The following MYH13 variants were observed in gnomAD, a reference collection of about 807,000 sequenced individuals.
MYH13 encodes myosin-13.
In MYH13, 177 loss-of-function variants were observed where a neutral mutation model predicts 232.1. The observed-to-expected ratio is 0.76, with a 90% confidence interval of 0.67 to 0.86. The LOEUF is 0.86. Ranked by LOEUF, MYH13 falls within the 40% of genes least tolerant of loss-of-function variation. MYH13 has a pLI of 0.00. For synonymous variants in MYH13, 884 were observed against 923.5 expected (o/e 0.96, Z 0.78); for missense variants, 2,246 against 2,405.9 (o/e 0.93, Z 1.39).
At chr17:10,361,686 C>T (rs2071795107) in intron 5 of MYH13, among the ~76,000 whole-genome samples, 1 of 152,192 alleles carries the variant, frequency 6.6e-6, no homozygotes, top group African/African-American at 2.4e-5. Flanking sequence ...ACAGTGTTAC[C>T]ATGTCCTTAC....
At chr17:10,355,498 C>T (rs190422652) in intron 8 of MYH13, among the ~76,000 whole-genome samples, 18 of 152,226 alleles carry the variant, frequency 1.2e-4, no homozygotes, top group African/African-American at 3.6e-4. Flanking sequence ...GGCATGCTTA[C>T]ATCTGTCGCC....
chr17:10,345,550 G>A lies in MYH13; in HGVS notation c.1330C>T (p.Arg444Cys), dbSNP rs376714196. 1.2e-5 allele frequency: 19 copies of A among 1,614,062 alleles called. No individual in the cohort carries two copies. The highest frequency in any genetic ancestry group is 7.7e-5 in the South Asian group (7 of 91,074). ...TTGGTGTCCAGCTGCTGGTTGATGCGGGTGACCATCCACAGGAACATCTTC... is the reference window on the plus strand; with the variant it reads ...TTGGTGTCCAGCTGCTGGTTGATGCAGGTGACCATCCACAGGAACATCTTC... ...YEKMFLWMVT[R>C]INQQLDTKQP... is the part of the protein sequence containing the mutation. Residue 444 changes from arginine to cysteine, a missense_variant, in exon 14 of 41, where the codon CGC becomes TGC. Physicochemically the swap from Arg to Cys is radical, Grantham distance 180. Coordinates refer to ENST00000252172, the MANE Select transcript of MYH13 (RefSeq NM_003802.3).
intron 12 of MYH13, among the ~76,000 whole-genome samples, chr17:10,347,750 T>A (rs11078843): frequency 5.8e-5 from 8 of 136,960 alleles, no homozygotes; most frequent in African/African-American, 1.1e-4. Context: ...ACAGAGTTTC[T>A]CAATGTTGCC....
intron 23 of MYH13, among the ~76,000 whole-genome samples, chr17:10,322,782 C>T (rs775113627): frequency 2.0e-4 from 31 of 152,038 alleles, no homozygotes; most frequent in Non-Finnish European, 2.5e-4. Context: ...TACAGGCGTC[C>T]GCCACCACGC....
intron 11 of MYH13, among the ~76,000 whole-genome samples, chr17:10,351,165 G>A (rs1216509972): frequency 2.2e-5 from 3 of 136,542 alleles, no homozygotes; most frequent in Non-Finnish European, 4.6e-5. Context: ...AGGTTGGAGT[G>A]AGCCAAGATT....
chr17:10,361,646 G>T (rs2071794714), intron 5 of MYH13, among the ~76,000 whole-genome samples: 1 of 152,132 alleles, frequency 6.6e-6, no homozygotes, highest in Non-Finnish European at 1.5e-5. Flanking sequence ...AGGTTGAACA[G>T]ACAGACTTGA....
chr17:10,345,449 T>C lies in MYH13; in HGVS notation c.1413+18A>G, dbSNP rs1567668328. The C allele has an allele frequency of 4.3e-6, 7 of 1,614,168 alleles. No individual in the cohort carries two copies. The highest frequency in any genetic ancestry group is 5.1e-6 in the Non-Finnish European group (6 of 1,180,028). On this transcript the variant is annotated intron_variant, in intron 14 of 40. Transcript: ENST00000252172. ...AGATTCAGCAAAGCAGACAAGAAAG[T>C]AGAAGGTCACAACTCACATCAAAGA...
chr17:10,355,906 C>A lies in MYH13; in HGVS notation c.739-759G>T, dbSNP rs1206436655. 7.9e-5 allele frequency among the ~76,000 whole-genome samples: 9 copies of A among 113,478 alleles called. No individual in the cohort carries two copies. The East Asian group carries it at 2.5e-3, about 31-fold the overall frequency. 74.4% of individuals were successfully genotyped at this position (113,478 alleles called of 152,430 possible). A position where few individuals can be genotyped will look rare whatever the true frequency, so the allele number is the denominator to read the frequency against. On this transcript the variant is annotated intron_variant, in intron 8 of 40. Transcript: ENST00000252172. ...TAGATGCTACTTCTGAGATTTCTTG[C>A]CTGAGTTTCACATATGGCTGACTAC...
At chr17:10,364,733 A>G (rs2071820134) in intron 2 of MYH13, among the ~76,000 whole-genome samples, 191 bp from the exon 3 acceptor site, 1 of 151,198 alleles carries the variant, frequency 6.6e-6, no homozygotes, top group Non-Finnish European at 1.5e-5. Context: ...GGGATATTTT[A>G]TTCTAACAAA....
rs918855170 is a variant in MYH13 at position 10,338,710 on chromosome 17, G to GT, written c.2056+1439dup. ...CCTTGTTTTTTTTTTTTTTTTGTTT[G>GT]TTTTTTTTGAGACGGAGTTTCGCTC... On this transcript the variant is annotated intron_variant, in intron 18 of 40. Coordinates refer to ENST00000252172, the MANE Select transcript of MYH13 (RefSeq NM_003802.3). Among the ~76,000 whole-genome samples, 412 of 109,552 alleles carry GT rather than the reference G, an allele frequency of 3.8e-3. 15 individuals carry two copies. In the East Asian group the frequency reaches 0.082, roughly 22 times the overall value. The allele number at this position is 109,552 out of a possible 152,430, so 71.9% of individuals were successfully genotyped here. A position where few individuals can be genotyped will look rare whatever the true frequency, so the allele number is the denominator to read the frequency against.
chr17:10,302,216 A>G (rs1205324106), intron 39 of MYH13, among the ~76,000 whole-genome samples: 1 of 152,146 alleles, frequency 6.6e-6, no homozygotes, highest in South Asian at 2.1e-4. Flanking sequence ...AATTGCTCTC[A>G]ATATTGAACC....
At position 10,318,829 on chromosome 17, in the gene MYH13, G is replaced by A. The variant is rs377423612; in HGVS notation, c.3699C>T (p.Asp1233=). The A allele has an allele frequency of 1.4e-5, 23 of 1,614,042 alleles. No homozygotes were observed. Among genetic ancestry groups the A allele is most frequent in the African/African-American group, 4.0e-5 (3 of 75,012 alleles). Residue 1233 remains aspartate (D), a synonymous_variant, in exon 27 of 41, where the codon GAC becomes GAT. Coordinates refer to ENST00000252172, the MANE Select transcript of MYH13 (RefSeq NM_003802.3). ...GAGCCTCGATGTTGCTGGCCATGTC[G>A]TCAATCTCCATCTTCAGCTCGCTCT... ...KEKSELKMEI[D]DMASNIEALS...
intron 27 of MYH13, among the ~76,000 whole-genome samples, chr17:10,317,309 C>T (rs1025910660): frequency 1.3e-5 from 2 of 152,082 alleles, no homozygotes; most frequent in Non-Finnish European, 2.9e-5. Context: ...AAAGGGCAAA[C>T]ACATGGGAAA....
At chr17:10,360,820 A>G (rs926239896) in intron 5 of MYH13, among the ~76,000 whole-genome samples, 1 of 152,196 alleles carries the variant, frequency 6.6e-6, no homozygotes, top group Non-Finnish European at 1.5e-5. Context: ...GTATCCTTAT[A>G]AACAGAAGAA....
chr17:10,359,874 G>T lies in MYH13; in HGVS notation c.645+86C>A. 2.5e-6 allele frequency: 3 copies of T among 1,214,748 alleles called. 1 individual carries two copies. In the South Asian group the frequency reaches 3.7e-5, roughly 15 times the overall value. The allele number at this position is 1,214,748 out of a possible 1,614,324, so 75.2% of individuals were successfully genotyped here. ...TTCCTATTTGCCGTTTCTACTGAGC[G>T]CATACCCTGCATACACTTGGTGCTC... is the stretch of plus-strand genomic sequence containing the variant. On this transcript the variant is annotated intron_variant, in intron 7 of 40. Transcript: ENST00000252172.
intron 11 of MYH13, among the ~76,000 whole-genome samples, chr17:10,353,543 C>G (rs920539312): frequency 6.6e-6 from 1 of 152,062 alleles, no homozygotes; most frequent in African/African-American, 2.4e-5. Flanking sequence ...AATGTAAGCT[C>G]TGTAGTTAGG....
At chr17:10,345,177 G>C (rs369812600) in intron 15 of MYH13, 25 bp downstream of exon 15, 7 of 1,613,910 alleles carry the variant, frequency 4.3e-6, no homozygotes, top group Non-Finnish European at 5.9e-6. Flanking sequence ...AGGAGGAGCT[G>C]TCCCAGGCAG....
chr17:10,371,481 T>C (rs2071877293), intron 1 of MYH13, among the ~76,000 whole-genome samples: 1 of 152,250 alleles, frequency 6.6e-6, no homozygotes, highest in Non-Finnish European at 1.5e-5. Context: ...ATTAATACTC[T>C]CTTGAGAAAC....
At chr17:10,345,991 C>CAAAAAAA (rs1211414796) in intron 13 of MYH13, among the ~76,000 whole-genome samples, 6 of 83,050 alleles carry the variant, frequency 7.2e-5, no homozygotes, top group Non-Finnish European at 1.2e-4. Context: ...GACTCTGTCT[C>CAAAAAAA]AAAAAAAAAA....
Sources: allele counts gnomAD v4.1 joint callset (sites outside exome capture counted in the v4.1 genomes callset), GRCh38; gene constraint gnomAD v4.1.1; transcripts MANE v1.5; gene names NCBI Gene and HGNC (gene_info 2026-07-23, HGNC 2026-07-21).